IQCM: variants seen among roughly 807,000 people sequenced by gnomAD.
The protein encoded by IQCM is IQ domain-containing protein M.
In IQCM, 45 loss-of-function variants were observed where a neutral mutation model predicts 57.6. That is an observed-to-expected ratio of 0.78 (90% confidence interval 0.62 to 1.00). The LOEUF (loss-of-function observed/expected upper bound fraction) is 1.00. Ranked by LOEUF, IQCM falls within the 50% of genes least tolerant of loss-of-function variation. The pLI is 0.00. For missense variants in IQCM, 468 were observed against 511.6 expected (o/e 0.91, Z 0.82); for synonymous variants, 148 against 158.9 (o/e 0.93, Z 0.51).
At chr4:149,584,882 T>C (rs72957417) in intron 9 of IQCM, among the ~76,000 whole-genome samples, 2,783 of 151,526 alleles carry the variant, frequency 0.018, 55 homozygotes, top group African/African-American at 0.055. Flanking sequence ...AGAATAGGAG[T>C]GGGTGTTCAC....
intron 12 of IQCM, among the ~76,000 whole-genome samples, chr4:149,459,627 CT>C (rs1027613695): frequency 6.6e-6 from 1 of 152,212 alleles, no homozygotes; most frequent in African/African-American, 2.4e-5. Flanking sequence ...CCCCCAGCCC[CT>C]GGCAACCAAC....
At chr4:149,501,023 A>G (rs556689848) in intron 12 of IQCM, among the ~76,000 whole-genome samples, 2 of 152,286 alleles carry the variant, frequency 1.3e-5, no homozygotes, top group South Asian at 4.1e-4. Context: ...CCATTTTTGG[A>G]AGACAAAAAT....
Position 149,376,247 on chromosome 4 carries a change from GGTTTTCCCAT to G in IQCM, c.1391-24191_1391-24182del, listed in dbSNP as rs570435148. Among the ~76,000 whole-genome samples, 38 of 152,198 alleles carry G rather than the reference GGTTTTCCCAT, an allele frequency of 2.5e-4. No homozygotes were observed. The South Asian group carries it at 7.7e-3, about 31-fold the overall frequency. ...GACTCAGATCTCAATATTTTCTGCA[GGTTTTCCCAT>G]GTTTTTCAATAAAGTAGGGTTTGTT... On this transcript the variant is annotated intron_variant, in intron 13 of 13. Coordinates refer to ENST00000636793, the MANE Select transcript of IQCM (RefSeq NM_001363507.2).
chr4:149,635,691 T>C (rs1394768203), intron 7 of IQCM, among the ~76,000 whole-genome samples: 1 of 152,174 alleles, frequency 6.6e-6, no homozygotes, highest in Non-Finnish European at 1.5e-5. Context: ...TTATGTCCAC[T>C]GAGAGGTAGA....
At chr4:149,521,220 CT>C (rs1443699977) in intron 12 of IQCM, among the ~76,000 whole-genome samples, 3 of 152,018 alleles carry the variant, frequency 2.0e-5, no homozygotes, top group Admixed American at 2.0e-4. Context: ...TCATTTCCTC[CT>C]TTTCATCTTT....
chr4:149,712,090 C>T (rs1764605102), intron 5 of IQCM, among the ~76,000 whole-genome samples: 1 of 152,108 alleles, frequency 6.6e-6, no homozygotes, highest in Non-Finnish European at 1.5e-5. Flanking sequence ...GCAGTGCCAG[C>T]TTAGAGAAGG....
intron 4 of IQCM, 140 bp from the exon 5 acceptor site, chr4:149,733,648 C>T (rs899844586): frequency 1.9e-5 from 8 of 411,146 alleles, no homozygotes; most frequent in African/African-American, 1.6e-4. Flanking sequence ...CTATATAAGA[C>T]ATTTACTCTA....
At chr4:149,542,464 T>C (rs1747947463) in intron 12 of IQCM, among the ~76,000 whole-genome samples, 1 of 152,074 alleles carries the variant, frequency 6.6e-6, no homozygotes, top group African/African-American at 2.4e-5. Flanking sequence ...GGAAAAAGCA[T>C]TCACCTTAAC....
At position 149,686,374 on chromosome 4, in the gene IQCM, T is replaced by C; in HGVS notation, c.476+4A>G. 4.2e-6 allele frequency: 5 copies of C among 1,180,902 alleles called. No individual in the cohort carries two copies. Among genetic ancestry groups the C allele is most frequent in the Middle Eastern group, 3.2e-4 (1 of 3,090 alleles). 73.2% of individuals were successfully genotyped at this position (1,180,902 alleles called of 1,614,324 possible). ...TTTCTATAGGTTAGCTAATTATACA[T>C]TACCTGGACTCCTCAAAGTGCTGTT... On this transcript the variant is annotated splice_donor_region_variant and intron_variant, in intron 6 of 13. Coordinates refer to ENST00000636793, the MANE Select transcript of IQCM (RefSeq NM_001363507.2).
chr4:149,400,259 C>T (rs1356148205), intron 13 of IQCM, among the ~76,000 whole-genome samples: 1 of 149,514 alleles, frequency 6.7e-6, no homozygotes, highest in Non-Finnish European at 1.5e-5. Flanking sequence ...CTACATCCTT[C>T]TGCTTAGAAC....
intron 5 of IQCM, among the ~76,000 whole-genome samples, chr4:149,719,530 A>C (rs1290251321): frequency 3.3e-5 from 5 of 152,212 alleles, no homozygotes; most frequent in African/African-American, 1.2e-4. Flanking sequence ...CCTTCTCAAA[A>C]GGGAGGAATT....
At chr4:149,646,155 T>C (rs1178395385) in intron 7 of IQCM, among the ~76,000 whole-genome samples, 2 of 152,188 alleles carry the variant, frequency 1.3e-5, no homozygotes, top group East Asian at 3.9e-4. Context: ...GGGAACCCTG[T>C]AGAGTTCTCT....
intron 12 of IQCM, among the ~76,000 whole-genome samples, chr4:149,496,264 T>G (rs1304911258): frequency 2.0e-5 from 3 of 152,084 alleles, no homozygotes; most frequent in Non-Finnish European, 4.4e-5. Context: ...ATTACATGAG[T>G]TATAAGAATC....
chr4:149,383,886 G>A (rs1262511672), intron 13 of IQCM, among the ~76,000 whole-genome samples: 1 of 152,088 alleles, frequency 6.6e-6, no homozygotes, highest in Non-Finnish European at 1.5e-5. Context: ...CCAGGAGGTG[G>A]AGGTTGCAGT....
chr4:149,715,814 C>T (rs1263305391), intron 5 of IQCM, among the ~76,000 whole-genome samples: 1 of 152,234 alleles, frequency 6.6e-6, no homozygotes, highest in African/African-American at 2.4e-5. Flanking sequence ...CCGCAGATTC[C>T]TCTCCACAGG....
At chr4:149,788,300 C>T (rs1772258532) in intron 2 of IQCM, among the ~76,000 whole-genome samples, 1 of 152,130 alleles carries the variant, frequency 6.6e-6, no homozygotes, top group Non-Finnish European at 1.5e-5. Context: ...CACCACTGGA[C>T]TCCAGCCTGG....
intron 5 of IQCM, among the ~76,000 whole-genome samples, chr4:149,732,896 A>G (rs1439420517): frequency 6.6e-6 from 1 of 152,188 alleles, no homozygotes; most frequent in Non-Finnish European, 1.5e-5. Flanking sequence ...TGCCTATCCT[A>G]TTGATCCTGC....
At chr4:149,451,760 T>C (rs1386822696) in intron 12 of IQCM, among the ~76,000 whole-genome samples, 1 of 151,782 alleles carries the variant, frequency 6.6e-6, no homozygotes, top group Admixed American at 6.6e-5. Flanking sequence ...AAAGGACATC[T>C]ATAAAAAACA....
intron 7 of IQCM, among the ~76,000 whole-genome samples, chr4:149,657,196 A>G (rs1435778297): frequency 6.6e-6 from 1 of 151,868 alleles, no homozygotes; most frequent in East Asian, 1.9e-4. Flanking sequence ...TCTAGTAACC[A>G]CTGTTCTACT....
Sources: gnomAD v4.1 joint callset for allele counts (sites outside exome capture counted in the v4.1 genomes callset) on GRCh38, gnomAD v4.1.1 for gene constraint, MANE v1.5 for transcripts, NCBI Gene and HGNC (gene_info 2026-07-23, HGNC 2026-07-21) for gene names.